DMD: variants seen among roughly 807,000 people sequenced by gnomAD.
The protein encoded by DMD is mutant dystrophin.
In DMD, 63 loss-of-function variants were observed where a neutral mutation model predicts 330.1. The observed-to-expected ratio is 0.19, with a 90% confidence interval of 0.16 to 0.24. The LOEUF (loss-of-function observed/expected upper bound fraction) is 0.24, where lower values mean the gene tolerates loss of function less well. Among genes scored for constraint, DMD ranks in the 10% least tolerant of loss-of-function variants. The pLI, the probability that DMD is intolerant of heterozygous loss-of-function variation, is 1.00. For synonymous variants in DMD, 1,223 were observed against 959.8 expected (o/e 1.27, Z -5.07); for missense variants, 3,344 against 2,684.1 (o/e 1.25, Z -5.43).
rs1448178245 is a variant in DMD at position 31,119,337 on chromosome X, G to GAAGT, written c.*2578_*2581dup. 8.9e-6 allele frequency: 1 copy of GAAGT among 112,004 alleles called. No homozygotes were observed. Among genetic ancestry groups the GAAGT allele is most frequent in the Non-Finnish European group, 1.9e-5 (1 of 53,054 alleles). 9.2% of individuals were successfully genotyped at this position (112,004 alleles called of 1,213,427 possible). A position where few individuals can be genotyped will look rare whatever the true frequency, so the allele number is the denominator to read the frequency against. On this transcript the variant is annotated 3_prime_UTR_variant, in exon 79 of 79. Coordinates refer to ENST00000357033, the MANE Select transcript of DMD (RefSeq NM_004006.3). Reference sequence around the variant, plus strand: ...TATGTTGTGAAAATGCAGTAAAACTGAAGTTTAAAAAAATAATTCGTAAAT... The same window carrying GAAGT: ...TATGTTGTGAAAATGCAGTAAAACTGAAGTAAGTTTAAAAAAATAATTCGTAAAT...
chrX:32,949,435 C>T (rs1371748932), intron 2 of DMD, among the ~76,000 whole-genome samples: 2 of 109,173 alleles, frequency 1.8e-5, no homozygotes, highest in Non-Finnish European at 3.8e-5. Context: ...TTTGTGATCC[C>T]CACTGAAAAA....
chrX:32,466,729 T>C (rs1389953231), intron 23 of DMD, among the ~76,000 whole-genome samples: 1 of 111,305 alleles, frequency 9.0e-6, no homozygotes, highest in Non-Finnish European at 1.9e-5. Flanking sequence ...GATGTTACAC[T>C]GCTGACTTTG....
At chrX:32,825,796 T>G (rs1162317856) in intron 4 of DMD, among the ~76,000 whole-genome samples, 1 of 111,495 alleles carries the variant, frequency 9.0e-6, no homozygotes, top group Non-Finnish European at 1.9e-5. Context: ...TGATTCTACT[T>G]ATATGAGGTA....
chrX:31,443,911 C>T (rs908434556), intron 60 of DMD, among the ~76,000 whole-genome samples: 12 of 111,571 alleles, frequency 1.1e-4, no homozygotes, highest in African/African-American at 3.6e-4. Flanking sequence ...TTCCCTCTAA[C>T]TCGCGTGTTG....
intron 63 of DMD, among the ~76,000 whole-genome samples, chrX:31,230,350 T>C (rs1229498705): frequency 8.9e-6 from 1 of 112,004 alleles, no homozygotes; most frequent in Non-Finnish European, 1.9e-5. Context: ...AAAACTCTTC[T>C]AAGAAATGAA....
chrX:32,908,115 TG>T (rs2086882635), intron 2 of DMD, among the ~76,000 whole-genome samples: 1 of 112,080 alleles, frequency 8.9e-6, no homozygotes, highest in African/African-American at 3.2e-5. Flanking sequence ...AGACCAAACA[TG>T]CCGATAATTT....
At chrX:32,057,970 A>G (rs756844561) in intron 44 of DMD, among the ~76,000 whole-genome samples, 14 of 111,393 alleles carry the variant, frequency 1.3e-4, no homozygotes, top group Non-Finnish European at 2.1e-4. Flanking sequence ...AGAATACACA[A>G]CTGGGAAAGG....
chrX:31,659,639 G>GGA (rs1829079513), intron 53 of DMD, among the ~76,000 whole-genome samples: 14 of 39,956 alleles, frequency 3.5e-4, no homozygotes, highest in East Asian at 2.5e-3. Context: ...CTCCATCTCG[G>GGA]AAAAAAAAAA....
At chrX:32,572,143 C>T (rs1169965834) in intron 15 of DMD, among the ~76,000 whole-genome samples, 1 of 111,372 alleles carries the variant, frequency 9.0e-6, no homozygotes, top group Non-Finnish European at 1.9e-5. Context: ...GCAATAATTT[C>T]TTATCAATAA....
chrX:31,582,744 A>G (rs1012739344), intron 55 of DMD, among the ~76,000 whole-genome samples: 1 of 112,125 alleles, frequency 8.9e-6, no homozygotes, highest in African/African-American at 3.2e-5. Context: ...AGATTTAAAA[A>G]TTTGCCAACG....
intron 9 of DMD, among the ~76,000 whole-genome samples, chrX:32,675,600 T>C (rs2061916076): frequency 9.0e-6 from 1 of 111,569 alleles, no homozygotes. Flanking sequence ...ACCCAACCTT[T>C]CCTCTAATGA....
In DMD at chrX:31,695,965, T is replaced by C. The variant is rs189224039; in HGVS notation, c.7661-16379A>G. On this transcript the variant is annotated intron_variant, in intron 52 of 78. Transcript: ENST00000357033. ...CAAAAATGAGAAGTATTTGAGGTGA[T>C]AGATATGCTATTAGCCTGATTTGAT... Among the ~76,000 whole-genome samples, 322 of 111,653 alleles carry C rather than the reference T, an allele frequency of 2.9e-3. 2 individuals carry two copies. The highest frequency in any genetic ancestry group is 0.023 in the Middle Eastern group (5 of 214).
chrX:31,733,446 A>T (rs781017183), intron 51 of DMD, among the ~76,000 whole-genome samples: 1 of 111,686 alleles, frequency 9.0e-6, no homozygotes, highest in African/African-American at 3.2e-5. Context: ...TTTTTCTATA[A>T]AAATCAACAA....
intron 45 of DMD, among the ~76,000 whole-genome samples, chrX:31,943,357 C>T (rs1032557391): frequency 8.9e-6 from 1 of 112,197 alleles, no homozygotes; most frequent in Non-Finnish European, 1.9e-5. Flanking sequence ...AGAACTACTC[C>T]TCACCCCTTG....
intron 41 of DMD, among the ~76,000 whole-genome samples, chrX:32,334,618 T>G (rs995965947): frequency 9.0e-5 from 10 of 111,631 alleles, no homozygotes; most frequent in African/African-American, 3.3e-4. Flanking sequence ...TGCTTAAATT[T>G]AAGGAAATCC....
intron 1 of DMD, among the ~76,000 whole-genome samples, chrX:33,097,607 CTT>C (rs5902054): frequency 3.4e-5 from 2 of 59,631 alleles, no homozygotes; most frequent in African/African-American, 1.4e-4. Context: ...ACATGAGACT[CTT>C]TTTTTTTTTT....
Position 32,732,341 on chromosome X carries a change from G to C in DMD, c.650-33048C>G, listed in dbSNP as rs1057367320. ...GAACCAATTTGGAAAACACTCTGCA[G>C]GATATTATCCAGGAGAACTTCCCCA... is the stretch of plus-strand genomic sequence containing the variant. On this transcript the variant is annotated intron_variant, in intron 7 of 78. Coordinates refer to ENST00000357033, the MANE Select transcript of DMD (RefSeq NM_004006.3). Among the ~76,000 whole-genome samples, 41 of 111,112 alleles carry C rather than the reference G, an allele frequency of 3.7e-4. No homozygotes were observed. In the East Asian group the frequency reaches 9.7e-3, roughly 26 times the overall value.
At chrX:32,822,074 AG>A (rs916184357) in intron 5 of DMD, among the ~76,000 whole-genome samples, 2 of 111,517 alleles carry the variant, frequency 1.8e-5, no homozygotes, top group Non-Finnish European at 3.8e-5. Flanking sequence ...TTTATAAAAA[AG>A]TAATCCCGAC....
At chrX:33,031,548 G>A (rs1014609599) in intron 1 of DMD, among the ~76,000 whole-genome samples, 3 of 110,924 alleles carry the variant, frequency 2.7e-5, no homozygotes, top group African/African-American at 9.8e-5. Context: ...CCAGGTGGAC[G>A]CAGCATGAGG....
Sources: allele counts gnomAD v4.1 joint callset (sites outside exome capture counted in the v4.1 genomes callset), GRCh38; gene constraint gnomAD v4.1.1; transcripts MANE v1.5; gene names NCBI Gene and HGNC (gene_info 2026-07-23, HGNC 2026-07-21).